EIF4B: variants seen among roughly 807,000 people sequenced by gnomAD.
EIF4B encodes eukaryotic translation initiation factor 4B.
Under a neutral mutation model 79.3 loss-of-function variants are expected in EIF4B, and 8 were observed. That is an observed-to-expected ratio of 0.10 (90% CI 0.06 to 0.18). The LOEUF (loss-of-function observed/expected upper bound fraction) is 0.18, where lower values mean the gene tolerates loss of function less well. Among genes scored for constraint, EIF4B ranks in the 10% least tolerant of loss-of-function variants. The pLI is 1.00. For missense variants in EIF4B, 515 were observed against 792.4 expected (o/e 0.65, Z 4.20); for synonymous variants, 238 against 274.7 (o/e 0.87, Z 1.32).
chr12:53,008,452 C>T (rs1943005856), intron 1 of EIF4B: 1 of 152,220 alleles, frequency 6.6e-6, no homozygotes, highest in Non-Finnish European at 1.5e-5. Flanking sequence ...TGTTTCCCCG[C>T]TCCTCTTTCC....
chr12:53,039,666 A>C lies in EIF4B; in HGVS notation c.1719A>C (p.Ala573=). 6.2e-7 allele frequency: 1 copy of C among 1,613,838 alleles called. No homozygotes were observed. The highest frequency in any genetic ancestry group is 8.5e-7 in the Non-Finnish European group (1 of 1,179,824). ...AAAAGGATCAAGACTCCAGATCTGC[A>C]CCTGAGCCAAAGAAACCTGAGGAAA... ...DGKKDQDSRS[A]PEPKKPEENP... is the part of the protein sequence containing the mutation. Residue 573 remains alanine, a synonymous_variant, in exon 14 of 15, where the codon GCA becomes GCC. Coordinates refer to ENST00000262056, the MANE Select transcript of EIF4B (RefSeq NM_001417.7).
At position 53,034,753 on chromosome 12, in the gene EIF4B, TA is replaced by T. The variant is rs1565592391; in HGVS notation, c.1306+47del. 1.9e-6 allele frequency: 3 copies of T among 1,609,176 alleles called. No homozygotes were observed. The Admixed American group carries it at 5.0e-5, about 27-fold the overall frequency. ...GGTATCGTGTTATTGCCGTTTTCCA[TA>T]AACTATCCATAACCAAATTATGCAG... On this transcript the variant is annotated intron_variant, in intron 10 of 14. Coordinates refer to ENST00000262056, the MANE Select transcript of EIF4B (RefSeq NM_001417.7).
intron 2 of EIF4B, among the ~76,000 whole-genome samples, chr12:53,017,936 A>G (rs1943174322): frequency 6.6e-6 from 1 of 152,226 alleles, no homozygotes; most frequent in South Asian, 2.1e-4. Context: ...AGGTGTTGGT[A>G]TCTGAAGTAC....
chr12:53,022,521 T>C lies in EIF4B; in HGVS notation c.561T>C (p.Asp187=). The change falls in exon 6 of 15, where the codon GAT becomes GAC. Residue 187 remains aspartate (D), a synonymous_variant. Coordinates refer to ENST00000262056, the MANE Select transcript of EIF4B (RefSeq NM_001417.7). ...GGGATGATCGTTCTTTTGGCCGTGA[T>C]AGAAATCGGGATTCTGACAAAACAG... ...KDRDDRSFGR[D]RNRDSDKTDT... 2 of 1,613,262 alleles carry C rather than the reference T, an allele frequency of 1.2e-6. No homozygotes were observed. The highest frequency in any genetic ancestry group is 1.7e-6 in the Non-Finnish European group (2 of 1,179,868).
At chr12:53,019,219 T>G (rs933275487) in intron 3 of EIF4B, among the ~76,000 whole-genome samples, 16 of 151,970 alleles carry the variant, frequency 1.1e-4, no homozygotes, top group African/African-American at 3.6e-4. Context: ...GCTAACGTGG[T>G]GAGACCCTGT....
intron 1 of EIF4B, among the ~76,000 whole-genome samples, chr12:53,007,975 C>T (rs1301548070): frequency 1.3e-5 from 2 of 152,182 alleles, no homozygotes; most frequent in African/African-American, 4.8e-5. Flanking sequence ...TCCTTAGCAA[C>T]TTAAAAGTAT....
In EIF4B at chr12:53,040,212, T is replaced by G; in HGVS notation, c.1825T>G (p.Tyr609Asp). The part of the protein sequence containing the change: ...DGEDENEGED[Y>D]AE ...TGAAGATGAAAATGAGGGAGAAGAT[T>G]ATGCCGAATAGACCTCTACATCCTG... The change falls in exon 15 of 15, where the codon TAT (tyrosine) becomes GAT (aspartate). Residue 609 changes from tyrosine to aspartate, a missense_variant. Physicochemically the swap from Tyr to Asp is radical, Grantham distance 160 (BLOSUM62 -3). Coordinates refer to ENST00000262056, the MANE Select transcript of EIF4B (RefSeq NM_001417.7). 3.7e-6 allele frequency: 6 copies of G among 1,613,214 alleles called. No homozygotes were observed. Among genetic ancestry groups the G allele is most frequent in the South Asian group, 1.1e-5 (1 of 91,050 alleles).
At chr12:53,007,053 G>T (rs534866510) in intron 1 of EIF4B, among the ~76,000 whole-genome samples, 9 of 152,304 alleles carry the variant, frequency 5.9e-5, no homozygotes, top group African/African-American at 2.2e-4. Flanking sequence ...AGAGACGGGC[G>T]CGCCTTCAAT....
intron 4 of EIF4B, among the ~76,000 whole-genome samples, chr12:53,020,854 G>A (rs569093985): frequency 6.6e-6 from 1 of 152,090 alleles, no homozygotes; most frequent in South Asian, 2.1e-4. Context: ...TACTCTTACT[G>A]GATTATTTTT....
chr12:53,010,117 A>G (rs544867831), intron 1 of EIF4B, among the ~76,000 whole-genome samples: 10 of 152,322 alleles, frequency 6.6e-5, no homozygotes, highest in African/African-American at 2.4e-4. Context: ...AATGGTTAGC[A>G]TGGCATGCAT....
chr12:53,034,393 G>A lies in EIF4B; in HGVS notation c.1209-219G>A, dbSNP rs181329043. On this transcript the variant is annotated intron_variant, in intron 9 of 14. Coordinates refer to ENST00000262056, the MANE Select transcript of EIF4B (RefSeq NM_001417.7). ...AAGGGCAGTATTGTAGATTATGTAG[G>A]ATACTGTTCTTAACCATATTAGTTG... Among the ~76,000 whole-genome samples, 8 of 152,308 alleles carry A rather than the reference G, an allele frequency of 5.3e-5. No homozygotes were observed. The South Asian group carries it at 1.4e-3, about 28-fold the overall frequency.
chr12:53,030,999 C>G (rs189369500), intron 8 of EIF4B, among the ~76,000 whole-genome samples: 5 of 151,580 alleles, frequency 3.3e-5, no homozygotes, highest in Non-Finnish European at 7.4e-5. Context: ...TTGCTCTTAC[C>G]CCCCCATTCC....
chr12:53,020,189 C>A (rs1943225139), intron 4 of EIF4B, among the ~76,000 whole-genome samples, 163 bp downstream of exon 4: 1 of 152,188 alleles, frequency 6.6e-6, no homozygotes, highest in Non-Finnish European at 1.5e-5. Context: ...CATCGAACAT[C>A]TAGCAAGTCA....
At chr12:53,036,626 C>A (rs759185359) in intron 10 of EIF4B, among the ~76,000 whole-genome samples, 7 of 151,938 alleles carry the variant, frequency 4.6e-5, no homozygotes, top group African/African-American at 7.3e-5. Context: ...ACTCCCCAGG[C>A]TGGTCTCAAA....
chr12:53,037,809 T>C, intron 11 of EIF4B, 187 bp downstream of exon 11: 1 of 646,356 alleles, frequency 1.5e-6, no homozygotes, highest in Non-Finnish European at 2.7e-6. Flanking sequence ...GTTCCACCAC[T>C]TTGATAGCTT....
chr12:53,034,786 T>G, intron 10 of EIF4B, 77 bp downstream of exon 10: 1 of 1,505,814 alleles, frequency 6.6e-7, no homozygotes. Flanking sequence ...GCAGAGACCC[T>G]GCAATATTTA....
intron 2 of EIF4B, 41 bp from the exon 3 acceptor site, chr12:53,018,757 G>A (rs1291548781): frequency 6.9e-6 from 11 of 1,604,820 alleles, no homozygotes; most frequent in African/African-American, 6.7e-5. Flanking sequence ...AGTAGTGAGA[G>A]AAGTTTCTTC....
intron 8 of EIF4B, among the ~76,000 whole-genome samples, chr12:53,032,011 C>G (rs1475573399): frequency 6.6e-6 from 1 of 151,590 alleles, no homozygotes; most frequent in African/African-American, 2.4e-5. Context: ...TTAGGTTTCT[C>G]TTGAAAGTGT....
intron 8 of EIF4B, among the ~76,000 whole-genome samples, chr12:53,030,413 C>CTTTTTTTGTTTTTTTTTTTTT (rs1943415830): frequency 2.3e-5 from 1 of 43,066 alleles, no homozygotes; most frequent in Non-Finnish European, 5.9e-5. Context: ...AAATTATATT[C>CTTTTTTTGTTTTTTTTTTTTT]TTTTTTTTTT....
Sources: gnomAD v4.1 joint callset for allele counts (sites outside exome capture counted in the v4.1 genomes callset) on GRCh38, gnomAD v4.1.1 for gene constraint, MANE v1.5 for transcripts, NCBI Gene and HGNC (gene_info 2026-07-23, HGNC 2026-07-21) for gene names.